Variants in ZEB1 observed in about 807,000 individuals in gnomAD.
ZEB1 encodes the protein zinc finger E-box binding homeobox 1, also known as zinc finger E-box-binding homeobox 1.
A neutral mutation model predicts 84.9 loss-of-function variants in ZEB1; 21 were observed. The ratio of observed to expected loss-of-function variants is 0.25; its 90% CI spans 0.18 to 0.36. The LOEUF (loss-of-function observed/expected upper bound fraction) is 0.36. ZEB1 is among the 10% of genes least tolerant of loss of function. ZEB1 has a pLI of 1.00. For missense variants in ZEB1, 1,104 were observed against 1,330.2 expected, an observed-to-expected ratio of 0.83 and a Z score of 2.65; for synonymous variants, 420 against 471.1, an observed-to-expected ratio of 0.89 and a Z score of 1.41.
At chr10:31,511,091 A>C (rs1463122571) in intron 5 of ZEB1, among the ~76,000 whole-genome samples, 1 of 152,254 alleles carries the variant, frequency 6.6e-6, no homozygotes, top group Non-Finnish European at 1.5e-5. Flanking sequence ...GAGGTAACTC[A>C]GTATTTTGTT....
chr10:31,364,181 A>G (rs920632732), intron 1 of ZEB1, among the ~76,000 whole-genome samples: 6 of 152,222 alleles, frequency 3.9e-5, no homozygotes, highest in African/African-American at 1.2e-4. Context: ...GGCTGGTGAC[A>G]GAGCCAGTGT....
At chr10:31,324,833 ATCAT>A (rs1418985982) in intron 1 of ZEB1, among the ~76,000 whole-genome samples, 2 of 152,058 alleles carry the variant, frequency 1.3e-5, no homozygotes, top group Non-Finnish European at 2.9e-5. Flanking sequence ...TGGCTAAATA[ATCAT>A]TCAACTAGAT....
At chr10:31,442,752 G>C (rs1373883695) in intron 1 of ZEB1, among the ~76,000 whole-genome samples, 1 of 152,168 alleles carries the variant, frequency 6.6e-6, no homozygotes, top group African/African-American at 2.4e-5. Flanking sequence ...ATAGAGTCAA[G>C]AGAAGAGATT....
intron 1 of ZEB1, among the ~76,000 whole-genome samples, chr10:31,444,874 T>C (rs919675440): frequency 5.3e-5 from 8 of 152,022 alleles, no homozygotes; most frequent in Admixed American, 1.3e-4. Flanking sequence ...TTCTTTTGGC[T>C]TAGGATTGAC....
intron 1 of ZEB1, among the ~76,000 whole-genome samples, chr10:31,357,533 A>G (rs1216195508): frequency 6.6e-6 from 1 of 152,200 alleles, no homozygotes; most frequent in African/African-American, 2.4e-5. Context: ...TCATATTGGT[A>G]CACTAAGATT....
chr10:31,324,365 C>T (rs1176439307), intron 1 of ZEB1, among the ~76,000 whole-genome samples: 5 of 151,930 alleles, frequency 3.3e-5, no homozygotes, highest in Admixed American at 2.6e-4. Context: ...ATAATGATTT[C>T]TCATAGTTGT....
At chr10:31,407,981 A>G (rs2053467921) in intron 1 of ZEB1, among the ~76,000 whole-genome samples, 2 of 148,390 alleles carry the variant, frequency 1.3e-5, no homozygotes, top group Non-Finnish European at 3.0e-5. Context: ...ACATGATTGT[A>G]TATCTAGAAA....
intron 2 of ZEB1, among the ~76,000 whole-genome samples, chr10:31,471,920 C>T (rs1267347358): frequency 1.4e-5 from 2 of 142,262 alleles, no homozygotes; most frequent in Non-Finnish European, 3.0e-5. Flanking sequence ...CTCAAAACCA[C>T]TCAACTACAT....
chr10:31,435,288 C>G (rs1303314135), intron 1 of ZEB1, among the ~76,000 whole-genome samples: 3 of 152,202 alleles, frequency 2.0e-5, no homozygotes, highest in African/African-American at 2.4e-5. Flanking sequence ...AGAAAGAACA[C>G]AGTTCTGCCA....
intron 2 of ZEB1, among the ~76,000 whole-genome samples, chr10:31,483,883 G>T (rs537748422): frequency 6.6e-5 from 10 of 152,020 alleles, no homozygotes; most frequent in Admixed American, 6.6e-4. Flanking sequence ...GGTCTCACTG[G>T]GCTAAAATCT....
intron 2 of ZEB1, 52 bp from the exon 3 acceptor site, chr10:31,495,724 C>G: frequency 6.3e-7 from 1 of 1,591,816 alleles, no homozygotes; most frequent in African/African-American, 1.3e-5. Context: ...ATTTGTCTTT[C>G]GTTTGTATTA....
At chr10:31,404,682 G>A (rs1350893130) in intron 1 of ZEB1, among the ~76,000 whole-genome samples, 1 of 152,114 alleles carries the variant, frequency 6.6e-6, no homozygotes, top group African/African-American at 2.4e-5. Flanking sequence ...GGGAGGTACT[G>A]CATTAAACTG....
intron 1 of ZEB1, among the ~76,000 whole-genome samples, chr10:31,445,487 T>C (rs1490037683): frequency 5.8e-4 from 86 of 149,172 alleles, no homozygotes; most frequent in East Asian, 2.0e-4. Flanking sequence ...CATCCCTGTC[T>C]TGTGCCAGTT....
At chr10:31,318,996 C>T (rs2032893067), upstream of ZEB1, 4 of 584,494 alleles carry the variant, frequency 6.8e-6, no homozygotes, top group East Asian at 9.1e-5. Flanking sequence ...ACTTTTCCCT[C>T]GCCCCTCAAT....
Position 31,521,865 on chromosome 10 carries a change from A to G in ZEB1, c.2533A>G (p.Thr845Ala), listed in dbSNP as rs1365284074. The change falls in exon 7 of 9, where the codon ACC becomes GCC. Residue 845 changes from threonine to alanine, a missense_variant. Coordinates refer to ENST00000424869, the MANE Select transcript of ZEB1 (RefSeq NM_001174096.2). ...QTILIPQVAY[T>A]YSTTVSPAVQ... ...GATTCTGATTCCCCAGGTGGCATAC[A>G]CCTACTCAACTACGGTCAGCCCTGC... 11 of 1,614,002 alleles carry G rather than the reference A, an allele frequency of 6.8e-6. No homozygotes were observed. The highest frequency in any genetic ancestry group is 9.3e-6 in the Non-Finnish European group (11 of 1,179,962).
chr10:31,465,316 G>C (rs1440153693), intron 2 of ZEB1, among the ~76,000 whole-genome samples: 2 of 151,918 alleles, frequency 1.3e-5, no homozygotes, highest in Middle Eastern at 6.3e-3. Context: ...TAAAAGTGTA[G>C]TTTTTATATG....
At chr10:31,482,574 T>A (rs1055824617) in intron 2 of ZEB1, among the ~76,000 whole-genome samples, 1 of 152,050 alleles carries the variant, frequency 6.6e-6, no homozygotes, top group Non-Finnish European at 1.5e-5. Flanking sequence ...ATATCTTTCA[T>A]AACACTGCTG....
intron 1 of ZEB1, among the ~76,000 whole-genome samples, chr10:31,447,836 G>T (rs1234954283): frequency 1.3e-5 from 2 of 152,132 alleles, no homozygotes; most frequent in Non-Finnish European, 2.9e-5. Flanking sequence ...CTCTCTGGCT[G>T]CCCTTAACAT....
At chr10:31,319,025 A>C, upstream of ZEB1, 1 of 607,154 alleles carries the variant, frequency 1.6e-6, no homozygotes, top group Non-Finnish European at 3.0e-6. Flanking sequence ...AGCAGTGCCC[A>C]CGGTTGCCGC....
Sources: gnomAD v4.1 joint callset for allele counts (sites outside exome capture counted in the v4.1 genomes callset) on GRCh38, gnomAD v4.1.1 for gene constraint, MANE v1.5 for transcripts, NCBI Gene and HGNC (gene_info 2026-07-23, HGNC 2026-07-21) for gene names.